The following KITLG variants were observed in gnomAD, a reference collection of about 807,000 sequenced individuals.
KITLG encodes the protein c-Kit ligand.
KITLG carries 13 observed loss-of-function variants against 34.1 expected under a neutral mutation model. That is an observed-to-expected ratio of 0.38 (90% confidence interval 0.25 to 0.61). The LOEUF is 0.61. Among genes scored for constraint, KITLG ranks in the 20% least tolerant of loss-of-function variants. The pLI, the probability that KITLG is intolerant of heterozygous loss-of-function variation, is 0.60. For synonymous variants in KITLG, 110 were observed against 104.0 expected (o/e 1.06, Z -0.35); for missense variants, 292 against 318.9 (o/e 0.92, Z 0.64).
intron 1 of KITLG, among the ~76,000 whole-genome samples, chr12:88,556,369 G>A (rs1871098753): frequency 1.3e-5 from 2 of 152,136 alleles, no homozygotes; most frequent in South Asian, 4.1e-4. Context: ...GGTTTATCAG[G>A]CATCAGAATG....
At chr12:88,564,937 C>T (rs1314690316) in intron 1 of KITLG, among the ~76,000 whole-genome samples, 2 of 152,202 alleles carry the variant, frequency 1.3e-5, no homozygotes, top group Non-Finnish European at 2.9e-5. Context: ...AAGATGATGG[C>T]TTCTAACCAC....
At chr12:88,505,089 T>G in intron 9 of KITLG, 70 bp downstream of exon 9, 1 of 779,410 alleles carries the variant, frequency 1.3e-6, no homozygotes, top group Non-Finnish European at 2.2e-6. Flanking sequence ...CTGCACATTG[T>G]GCACATGTAC....
chr12:88,544,343 T>C (rs1870631178), intron 2 of KITLG, among the ~76,000 whole-genome samples: 1 of 152,066 alleles, frequency 6.6e-6, no homozygotes, highest in Non-Finnish European at 1.5e-5. Context: ...TCAAGTGCCT[T>C]GACTAAGGTC....
intron 2 of KITLG, among the ~76,000 whole-genome samples, chr12:88,537,150 T>C (rs904441396): frequency 1.3e-5 from 2 of 152,064 alleles, no homozygotes; most frequent in Non-Finnish European, 2.9e-5. Flanking sequence ...AAATAAGTCC[T>C]TCTACCAAAT....
chr12:88,493,149 A>G lies in KITLG; in HGVS notation c.*4070T>C, dbSNP rs1868472960. On this transcript the variant is annotated 3_prime_UTR_variant, in exon 10 of 10. Coordinates refer to ENST00000644744, the MANE Select transcript of KITLG (RefSeq NM_000899.5). ...ATAATCACATATTAACCCTTAGAAT[A>G]TAGAATAGAATATTTTGATTGGAAA... 6.6e-6 allele frequency: 1 copy of G among 152,352 alleles called. No individual in the cohort carries two copies. The highest frequency in any genetic ancestry group is 6.6e-5 in the Admixed American group (1 of 15,212). 9.4% of individuals were successfully genotyped at this position (152,352 alleles called of 1,614,324 possible). A position where few individuals can be genotyped will look rare whatever the true frequency, so the allele number is the denominator to read the frequency against.
intron 6 of KITLG, among the ~76,000 whole-genome samples, chr12:88,509,122 C>A (rs985487556): frequency 6.6e-6 from 1 of 152,108 alleles, no homozygotes; most frequent in Non-Finnish European, 1.5e-5. Context: ...TCAATGTACA[C>A]AGAGAGAACA....
chr12:88,525,819 C>T lies in KITLG; in HGVS notation c.192+6622G>A, dbSNP rs187017053. ...CACCAAGCTCCAGCATCAAGCAAAA[C>T]ACTCAGCACAGAGTAGCACCTGATC... On this transcript the variant is annotated intron_variant, in intron 3 of 9. Transcript: ENST00000644744. 3.5e-3 allele frequency among the ~76,000 whole-genome samples: 529 copies of T among 152,202 alleles called. 1 individual carries two copies. The highest frequency in any genetic ancestry group is 5.1e-3 in the Non-Finnish European group (347 of 68,016).
chr12:88,570,037 C>T (rs1871594598), intron 1 of KITLG, among the ~76,000 whole-genome samples: 1 of 152,182 alleles, frequency 6.6e-6, no homozygotes, highest in East Asian at 1.9e-4. Flanking sequence ...AACCATCTTC[C>T]AAAACATCAT....
intron 6 of KITLG, among the ~76,000 whole-genome samples, chr12:88,512,171 T>A (rs1184752939): frequency 6.6e-6 from 1 of 152,082 alleles, no homozygotes; most frequent in Admixed American, 6.6e-5. Context: ...ATAATGAGTA[T>A]GCAGATGGAA....
chr12:88,492,979 A>T lies in KITLG; in HGVS notation c.*4240T>A, dbSNP rs1449543778. The T allele has an allele frequency of 6.6e-6, 1 of 152,330 alleles. No homozygotes were observed. 9.4% of individuals were successfully genotyped at this position (152,330 alleles called of 1,614,324 possible). ...TTTAATTAAATTTCAGTCATAATAG[A>T]ACTATTTAGAATAGTGTCGACATAC... On this transcript the variant is annotated 3_prime_UTR_variant, in exon 10 of 10. Coordinates refer to ENST00000644744, the MANE Select transcript of KITLG (RefSeq NM_000899.5).
intron 3 of KITLG, among the ~76,000 whole-genome samples, chr12:88,524,630 T>C: frequency 6.6e-6 from 1 of 152,116 alleles, no homozygotes; most frequent in Middle Eastern, 3.2e-3. Context: ...CAATTAAGAT[T>C]ATGAACGTGG....
At chr12:88,537,037 T>C (rs1870344798) in intron 2 of KITLG, among the ~76,000 whole-genome samples, 1 of 152,058 alleles carries the variant, frequency 6.6e-6, no homozygotes, top group Non-Finnish European at 1.5e-5. Flanking sequence ...GAAAAGGGAA[T>C]GCATATACAC....
At chr12:88,562,345 C>A (rs908777523) in intron 1 of KITLG, among the ~76,000 whole-genome samples, 2 of 152,188 alleles carry the variant, frequency 1.3e-5, no homozygotes, top group Non-Finnish European at 2.9e-5. Flanking sequence ...ACAATTCAAT[C>A]CTCAGCAGCT....
At chr12:88,575,965 C>G (rs150924883) in intron 1 of KITLG, among the ~76,000 whole-genome samples, 10 of 151,642 alleles carry the variant, frequency 6.6e-5, no homozygotes, top group Non-Finnish European at 1.3e-4. Flanking sequence ...ACAAAGACAC[C>G]CCACAGAAAT....
rs1869553956 is a variant in KITLG, at chr12:88,518,846, C to T, written c.214G>A (p.Glu72Lys). 1.2e-6 allele frequency: 2 copies of T among 1,613,516 alleles called. No individual in the cohort carries two copies. The highest frequency in any genetic ancestry group is 1.7e-6 in the Non-Finnish European group (2 of 1,179,742). Residue 72 changes from glutamate (E) to lysine (K), a missense_variant, in exon 4 of 10, where the codon GAG (glutamate) becomes AAG (lysine). Glu to Lys is a moderately conservative substitution (Grantham distance 56). This residue lies in a region of KITLG where 152 missense variants were observed against 207.9 expected (regional missense o/e 0.73). Transcript: ENST00000644744. The stretch of plus-strand genomic sequence containing the variant: ...CTGTCTGACAATTGTACTACCATCT[C>T]GCTTATCCAACAATGACTTGGCTGC... Reference protein sequence around the residue: ...DVLPSHCWISEMVVQLSDSLT... With the variant: ...DVLPSHCWISKMVVQLSDSLT...
At chr12:88,498,623 C>T (rs527868176) in intron 9 of KITLG, among the ~76,000 whole-genome samples, 1 of 152,186 alleles carries the variant, frequency 6.6e-6, no homozygotes, top group Admixed American at 6.5e-5. Flanking sequence ...ACCTGTAATC[C>T]CAGCACTTTG....
chr12:88,524,364 A>G (rs998497649), intron 3 of KITLG, among the ~76,000 whole-genome samples: 1 of 152,282 alleles, frequency 6.6e-6, no homozygotes, highest in East Asian at 1.9e-4. Context: ...CTCAATGGTA[A>G]ATTTTATTAA....
intron 3 of KITLG, among the ~76,000 whole-genome samples, chr12:88,527,147 C>G (rs1286345905): frequency 6.6e-6 from 1 of 152,132 alleles, no homozygotes; most frequent in African/African-American, 2.4e-5. Context: ...AGATTACAGG[C>G]GTGAGCCACT....
rs1051764474 is a variant in KITLG, at chr12:88,523,917, T to C, written c.193-5050A>G. On this transcript the variant is annotated intron_variant, in intron 3 of 9. Coordinates refer to ENST00000644744, the MANE Select transcript of KITLG (RefSeq NM_000899.5). ...AGAAATCTCAATCTGATTAAGATGG[T>C]AATCAACCAAAGCACTCTAAATATG... 5.3e-5 allele frequency among the ~76,000 whole-genome samples: 8 copies of C among 152,194 alleles called. No individual in the cohort carries two copies. In the South Asian group the frequency reaches 6.2e-4, roughly 12 times the overall value.
Sources: allele counts gnomAD v4.1 joint callset (sites outside exome capture counted in the v4.1 genomes callset), GRCh38; gene constraint gnomAD v4.1.1; regional missense constraint gnomAD v4.1.1; transcripts MANE v1.5; gene names NCBI Gene and HGNC (gene_info 2026-07-23, HGNC 2026-07-21).